DGKK: variants seen among roughly 807,000 people sequenced by gnomAD.
DGKK encodes the protein 142 kDa diacylglycerol kinase.
DGKK carries 35 observed loss-of-function variants against 92.2 expected under a neutral mutation model. That is an observed-to-expected ratio of 0.38 (90% confidence interval 0.29 to 0.50). The LOEUF (loss-of-function observed/expected upper bound fraction) is 0.50. DGKK is among the 20% of genes least tolerant of loss of function. The pLI is 0.92. For missense variants in DGKK, 910 were observed against 992.2 expected (o/e 0.92, Z 1.11); for synonymous variants, 368 against 360.6 (o/e 1.02, Z -0.23).
chrX:50,415,932 T>C (rs1925423772), intron 4 of DGKK, among the ~76,000 whole-genome samples: 1 of 112,122 alleles, frequency 8.9e-6, no homozygotes, highest in South Asian at 3.7e-4. Context: ...AATGAATGTA[T>C]TTTACATGTG....
At chrX:50,440,065 C>T (rs1484781406) in intron 1 of DGKK, among the ~76,000 whole-genome samples, 2 of 111,408 alleles carry the variant, frequency 1.8e-5, no homozygotes, top group African/African-American at 6.5e-5. Context: ...CTAATGCTCT[C>T]GAATGTTTAT....
At chrX:50,429,481 C>G (rs950210164) in intron 1 of DGKK, among the ~76,000 whole-genome samples, 2 of 111,531 alleles carry the variant, frequency 1.8e-5, no homozygotes, top group African/African-American at 6.5e-5. Flanking sequence ...GTCAGGAGAT[C>G]GAGACCATCC....
intron 4 of DGKK, among the ~76,000 whole-genome samples, chrX:50,410,987 G>A (rs1418279713): frequency 9.9e-6 from 1 of 101,475 alleles, no homozygotes; most frequent in East Asian, 3.1e-4. Context: ...GCTGCTCTGT[G>A]TTCCTGCCAA....
At chrX:50,402,112 T>C (rs190196986) in intron 7 of DGKK, among the ~76,000 whole-genome samples, 4 of 111,717 alleles carry the variant, frequency 3.6e-5, no homozygotes, top group Middle Eastern at 4.6e-3. Context: ...AGTGTTGTAG[T>C]TAAGAGTGTG....
chrX:50,378,666 T>C lies in DGKK; in HGVS notation c.2888A>G (p.Asp963Gly). Residue 963 changes from aspartate (D) to glycine (G), a missense_variant, in exon 21 of 28, where the codon GAT (aspartate) becomes GGT (glycine). Coordinates refer to ENST00000611977, the MANE Select transcript of DGKK (RefSeq NM_001013742.4). ...GATTGCCACCACCTCCAGTTTCCCA[T>C]CATCGATTGCAGGAGCCTCATATTC... Reference protein sequence around the residue: ...TTEYEAPAIDDGKLEVVAIFG... With the variant: ...TTEYEAPAIDGGKLEVVAIFG... 8.3e-7 allele frequency: 1 copy of C among 1,206,771 alleles called. No individual in the cohort carries two copies. Among genetic ancestry groups the C allele is most frequent in the Non-Finnish European group, 1.1e-6 (1 of 892,862 alleles).
At chrX:50,420,704 T>C (rs782024888) in intron 3 of DGKK, among the ~76,000 whole-genome samples, 197 bp from the exon 4 acceptor site, 33 of 112,181 alleles carry the variant, frequency 2.9e-4, no homozygotes, top group Admixed American at 7.6e-4. Flanking sequence ...CTAATAGCAA[T>C]AATTAACATT....
chrX:50,373,066 GT>G (rs1329950347), intron 25 of DGKK, among the ~76,000 whole-genome samples: 2 of 111,868 alleles, frequency 1.8e-5, no homozygotes, highest in Non-Finnish European at 3.8e-5. Context: ...GACAAATAAT[GT>G]TTTTTGCTTT....
At chrX:50,382,688 T>G in intron 17 of DGKK, 85 bp from the exon 18 acceptor site, 1 of 764,221 alleles carries the variant, frequency 1.3e-6, no homozygotes, top group Admixed American at 3.0e-5. Flanking sequence ...ATCTGCATGA[T>G]GGAAAACCAG....
intron 1 of DGKK, among the ~76,000 whole-genome samples, chrX:50,463,225 C>A (rs1926805898): frequency 9.5e-6 from 1 of 105,457 alleles, no homozygotes; most frequent in African/African-American, 3.5e-5. Context: ...TCTCTGCCAC[C>A]TTCACTCTAT....
At position 50,422,507 on chromosome X, in the gene DGKK, A is replaced by G. The variant is rs1474645729; in HGVS notation, c.776T>C (p.Ile259Thr). ...TGCCACAGTGGCTTGAGACAGATCA[A>G]TCGTTTCAAAGTGTGCAAACTGGAA... ...HHPAFAHFET[I>T]DLSQATVAES... The change falls in exon 3 of 28, where the codon ATT (isoleucine) becomes ACT (threonine). Residue 259 changes from isoleucine (I) to threonine (T), a missense_variant. Ile to Thr is a moderately conservative substitution (Grantham distance 89). Transcript: ENST00000611977. The G allele has an allele frequency of 2.5e-6, 3 of 1,204,351 alleles. No individual in the cohort carries two copies. The highest frequency in any genetic ancestry group is 3.4e-6 in the Non-Finnish European group (3 of 892,479).
At chrX:50,459,074 T>C (rs782464421) in intron 1 of DGKK, among the ~76,000 whole-genome samples, 3 of 111,853 alleles carry the variant, frequency 2.7e-5, no homozygotes, top group Admixed American at 9.5e-5. Context: ...TGAAAACTTG[T>C]TGGATGATGA....
chrX:50,384,089 G>T, intron 17 of DGKK, 79 bp downstream of exon 17: 1 of 612,784 alleles, frequency 1.6e-6, no homozygotes, highest in Non-Finnish European at 2.4e-6. Flanking sequence ...GAAAGGATTT[G>T]ACTATGGATA....
Position 50,388,590 on chromosome X carries a change from G to A in DGKK, c.1955C>T (p.Ala652Val). The change falls in exon 13 of 28, where the codon GCA becomes GTA. Residue 652 changes from alanine (A) to valine (V), a missense_variant. Transcript: ENST00000611977. ...CAGGATTTTGTTCAACTCGGTGGCT[G>A]CAGATTCTAAGTGTTGGATGGCAGC... Reference protein sequence around the residue: ...EAAAIQHLESAATELNKILKA... With the variant: ...EAAAIQHLESVATELNKILKA... 1 of 1,207,231 alleles carries A rather than the reference G, an allele frequency of 8.3e-7. No homozygotes were observed. The highest frequency in any genetic ancestry group is 1.8e-5 in the South Asian group (1 of 55,980).
chrX:50,458,898 A>C (rs1358323462), intron 1 of DGKK, among the ~76,000 whole-genome samples: 2 of 111,379 alleles, frequency 1.8e-5, no homozygotes, highest in Non-Finnish European at 3.8e-5. Context: ...GATACTTTTC[A>C]CTGTCACTGC....
chrX:50,391,055 TCC>T (rs1190589532), intron 11 of DGKK, among the ~76,000 whole-genome samples: 4 of 111,595 alleles, frequency 3.6e-5, no homozygotes, highest in African/African-American at 1.3e-4. Context: ...TTGAACGTTA[TCC>T]ATGGGGCCCC....
intron 24 of DGKK, among the ~76,000 whole-genome samples, chrX:50,375,688 A>C (rs1381118092): frequency 1.8e-5 from 2 of 111,686 alleles, no homozygotes; most frequent in Non-Finnish European, 1.9e-5. Flanking sequence ...GTGTTCCCTT[A>C]TCAGGTTATA....
chrX:50,446,671 A>G (rs1422677700), intron 1 of DGKK, among the ~76,000 whole-genome samples: 3 of 111,250 alleles, frequency 2.7e-5, no homozygotes, highest in African/African-American at 9.8e-5. Flanking sequence ...CTAATCTGCA[A>G]TTTGTCTTTT....
chrX:50,448,312 A>G (rs782462380), intron 1 of DGKK, among the ~76,000 whole-genome samples: 1 of 110,653 alleles, frequency 9.0e-6, no homozygotes, highest in East Asian at 2.9e-4. Flanking sequence ...CTCCCCAGAT[A>G]GTTCTGATTT....
rs1432838188 is a variant in DGKK at position 50,424,315 on chromosome X, A to C, written c.689T>G (p.Phe230Cys). Residue 230 changes from phenylalanine (F) to cysteine (C), a missense_variant, in exon 2 of 28, where the codon TTC becomes TGC. Physicochemically the swap from Phe to Cys is radical, Grantham distance 205. Coordinates refer to ENST00000611977, the MANE Select transcript of DGKK (RefSeq NM_001013742.4). ...EGPMLKNCNS[F>C]KRWKLRYFLV... ...AAAATATCTAAGCTTCCATCTCTTG[A>C]AAGAGTTACAGTTCTTCAGCATAGG... 2.5e-6 allele frequency: 3 copies of C among 1,209,694 alleles called. No homozygotes were observed. The highest frequency in any genetic ancestry group is 3.4e-6 in the Non-Finnish European group (3 of 894,822).
Sources: gnomAD v4.1 joint callset for allele counts (sites outside exome capture counted in the v4.1 genomes callset) on GRCh38, gnomAD v4.1.1 for gene constraint, MANE v1.5 for transcripts, NCBI Gene and HGNC (gene_info 2026-07-23, HGNC 2026-07-21) for gene names.